PLXNB3: variants seen among roughly 807,000 people sequenced by gnomAD.
The protein encoded by PLXNB3 is plexin B3, also known as plexin-B3.
In PLXNB3, 80 loss-of-function variants were observed where a neutral mutation model predicts 125.7. That is an observed-to-expected ratio of 0.64 (90% CI 0.53 to 0.77). The LOEUF (loss-of-function observed/expected upper bound fraction) is 0.77. Ranked by LOEUF, PLXNB3 falls within the 30% of genes least tolerant of loss-of-function variation. PLXNB3 has a pLI of 0.00. For synonymous variants in PLXNB3, 954 were observed against 783.3 expected, an observed-to-expected ratio of 1.22 and a Z score of -3.64; for missense variants, 1,836 against 1,729.3, an observed-to-expected ratio of 1.06 and a Z score of -1.09.
chrX:153,764,870 T>C lies in PLXNB3; in HGVS notation c.-66+566T>C, dbSNP rs782527723. 8.0e-5 allele frequency among the ~76,000 whole-genome samples: 9 copies of C among 112,868 alleles called. No homozygotes were observed. The East Asian group carries it at 2.5e-3, about 32-fold the overall frequency. Reference sequence around the variant, plus strand: ...CCTGTGGACCCTCTGCCTCAGCCCATCTCAAGCAGCCTCCTCCCGTGGTCC... The same window carrying C: ...CCTGTGGACCCTCTGCCTCAGCCCACCTCAAGCAGCCTCCTCCCGTGGTCC... On this transcript the variant is annotated intron_variant, in intron 1 of 35. Coordinates refer to ENST00000361971, the MANE Select transcript of PLXNB3 (RefSeq NM_005393.3).
At position 153,768,388 on chromosome X, in the gene PLXNB3, T is replaced by C. The variant is rs1466003030; in HGVS notation, c.1226T>C (p.Met409Thr). ...GCAGCTCTCCAGGCAGATGGGCACA[T>C]GATAGCCTTCCTGGGGGACACCCAG... Reference protein sequence around the residue: ...AVAALQADGHMIAFLGDTQGQ... With the variant: ...AVAALQADGHTIAFLGDTQGQ... The change falls in exon 4 of 36, where the codon ATG (methionine) becomes ACG (threonine). Residue 409 changes from methionine (M) to threonine (T), a missense_variant. Coordinates refer to ENST00000361971, the MANE Select transcript of PLXNB3 (RefSeq NM_005393.3). The C allele has an allele frequency of 1.1e-5, 13 of 1,208,136 alleles. No individual in the cohort carries two copies. The highest frequency in any genetic ancestry group is 3.5e-5 in the South Asian group (2 of 56,845).
In PLXNB3 at chrX:153,773,199, G is replaced by C. The variant is rs12116130; in HGVS notation, c.2907-31G>C. The C allele has an allele frequency of 2.0e-4, 231 of 1,168,796 alleles. 2 individuals are homozygous for C. In the African/African-American group the frequency reaches 3.7e-3, roughly 19 times the overall value. On this transcript the variant is annotated intron_variant, in intron 17 of 35. Coordinates refer to ENST00000361971, the MANE Select transcript of PLXNB3 (RefSeq NM_005393.3). ...GCTGGGGTAGAGGGGTGGTAGAGCC[G>C]AGATGAGAGACCCCACTACCCATCC... is the stretch of plus-strand genomic sequence containing the variant.
chrX:153,777,565 C>T lies in PLXNB3; in HGVS notation c.5138C>T (p.Ala1713Val). 8.3e-7 allele frequency: 1 copy of T among 1,211,850 alleles called. No individual in the cohort carries two copies. Among genetic ancestry groups the T allele is most frequent in the Non-Finnish European group, 1.1e-6 (1 of 895,450 alleles). The change falls in exon 31 of 36, where the codon GCC becomes GTC. Residue 1713 changes from alanine to valine, a missense_variant. Transcript: ENST00000361971. ...LQKFVDDTFQ[A>V]ILSVNRPIPI... Reference sequence around the variant, plus strand: ...AAGTTTGTGGACGACACCTTCCAGGCCATTCTCAGCGTGAACCGGCCCATC... The same window carrying T: ...AAGTTTGTGGACGACACCTTCCAGGTCATTCTCAGCGTGAACCGGCCCATC...
chrX:153,773,187 G>A (rs782809343), intron 17 of PLXNB3, 43 bp from the exon 18 acceptor site: 22 of 1,154,072 alleles, frequency 1.9e-5, no homozygotes, highest in East Asian at 3.0e-5. Context: ...GGGGTAGAGG[G>A]GTGGTAGAGC....
Position 153,777,704 on chromosome X carries a change from C to T in PLXNB3, c.5261+16C>T. 1.7e-6 allele frequency: 2 copies of T among 1,205,402 alleles called. No individual in the cohort carries two copies. The highest frequency in any genetic ancestry group is 1.7e-5 in the African/African-American group (1 of 57,867). On this transcript the variant is annotated intron_variant, in intron 31 of 35. Transcript: ENST00000361971. Reference sequence around the variant, plus strand: ...AGACCAACAGGTGCCTTTCCTGCTGCCCCACCCCTGCTGTGCATATGGTCC... The same window carrying T: ...AGACCAACAGGTGCCTTTCCTGCTGTCCCACCCCTGCTGTGCATATGGTCC...
At chrX:153,777,432 C>G in intron 30 of PLXNB3, 52 bp downstream of exon 30, 1 of 1,177,575 alleles carries the variant, frequency 8.5e-7, no homozygotes, top group East Asian at 3.0e-5. Flanking sequence ...CCAGGGACCC[C>G]GACCGAGCCA....
rs1486141388 is a variant in PLXNB3, at chrX:153,767,102, T to C, written c.275T>C (p.Val92Ala). Residue 92 changes from valine (V) to alanine (A), a missense_variant, in exon 3 of 36, where the codon GTA becomes GCA. Physicochemically the swap from Val to Ala is moderately conservative, Grantham distance 64. Coordinates refer to ENST00000361971, the MANE Select transcript of PLXNB3 (RefSeq NM_005393.3). ...GAGGCCGTGGCTGTCACTGGCCCTG[T>C]AATCGACAGCCCTGACTGCGTGCCC... is the stretch of plus-strand genomic sequence containing the variant. ...QLEAVAVTGP[V>A]IDSPDCVPFR... 1.7e-6 allele frequency: 2 copies of C among 1,208,874 alleles called. No individual in the cohort carries two copies. The highest frequency in any genetic ancestry group is 2.2e-6 in the Non-Finnish European group (2 of 894,660).
At chrX:153,774,613 T>C in intron 22 of PLXNB3, 42 bp downstream of exon 22, 1 of 1,167,348 alleles carries the variant, frequency 8.6e-7, no homozygotes, top group Non-Finnish European at 1.1e-6. Context: ...TCCTCGCCAT[T>C]GGCAAGGGCG....
Position 153,767,094 on chromosome X carries a change from T to A in PLXNB3, c.267T>A (p.Thr89=). 1.7e-6 allele frequency: 2 copies of A among 1,210,298 alleles called. No homozygotes were observed. The highest frequency in any genetic ancestry group is 1.7e-5 in the African/African-American group (1 of 57,986). The change falls in exon 3 of 36, where the codon ACT becomes ACA. Residue 89 remains threonine (T), a synonymous_variant. Transcript: ENST00000361971. The part of the protein sequence containing the change: ...PELQLEAVAV[T]GPVIDSPDCV... Reference sequence around the variant, plus strand: ...TGCAGCTCGAGGCCGTGGCTGTCACTGGCCCTGTAATCGACAGCCCTGACT... The same window carrying A: ...TGCAGCTCGAGGCCGTGGCTGTCACAGGCCCTGTAATCGACAGCCCTGACT...
rs372981163 is a variant in PLXNB3, at chrX:153,769,946, C to T, written c.1629+7C>T. On this transcript the variant is annotated splice_region_variant and intron_variant, in intron 7 of 35. Coordinates refer to ENST00000361971, the MANE Select transcript of PLXNB3 (RefSeq NM_005393.3). Reference sequence around the variant, plus strand: ...CCGCCAGGAGCAGGGCCAGGTAAGCCGCCCACCACCACTGGGCCCTCTGGG... The same window carrying T: ...CCGCCAGGAGCAGGGCCAGGTAAGCTGCCCACCACCACTGGGCCCTCTGGG... 217 of 1,202,013 alleles carry T rather than the reference C, an allele frequency of 1.8e-4. No individual in the cohort carries two copies. The highest frequency in any genetic ancestry group is 4.2e-4 in the East Asian group (14 of 33,709).
chrX:153,767,308 G>A lies in PLXNB3; in HGVS notation c.481G>A (p.Gly161Arg), dbSNP rs1214922648. The change falls in exon 3 of 36, where the codon GGG becomes AGG. Residue 161 changes from glycine (G) to arginine (R), a missense_variant. Physicochemically the swap from Gly to Arg is moderately radical, Grantham distance 125 (BLOSUM62 -2). Transcript: ENST00000361971. ...VLYQAEDPGD[G>R]QFVAANTPGV... Reference sequence around the variant, plus strand: ...GTACCAGGCTGAGGACCCTGGTGACGGGCAGTTTGTGGCTGCCAATACCCC... The same window carrying A: ...GTACCAGGCTGAGGACCCTGGTGACAGGCAGTTTGTGGCTGCCAATACCCC... 4 of 1,204,754 alleles carry A rather than the reference G, an allele frequency of 3.3e-6. No individual in the cohort carries two copies. The highest frequency in any genetic ancestry group is 3.6e-5 in the South Asian group (2 of 55,995).
In PLXNB3 at chrX:153,777,246, TGCCTCTG is replaced by T; in HGVS notation, c.4969_4975del (p.Leu1657ThrfsTer3). On this transcript the variant is annotated frameshift_variant, in exon 30 of 36. Transcript: ENST00000361971. LOFTEE classifies it high-confidence loss of function. ...GGAGGATGGCGAGGAGGGGGGGGTG[TGCCTCTG>T]GCACCTGGTGAAAGCCACCGAGGAG... 8.5e-7 allele frequency: 1 copy of T among 1,179,491 alleles called. No homozygotes were observed. The highest frequency in any genetic ancestry group is 1.1e-6 in the Non-Finnish European group (1 of 878,104).
intron 2 of PLXNB3, chrX:153,765,890 G>T (rs918496205): frequency 1.3e-6 from 1 of 754,166 alleles, no homozygotes; most frequent in Non-Finnish European, 1.6e-6. Flanking sequence ...AGAAGGGGCT[G>T]CTCCCACCTC....
chrX:153,775,434 G>A, intron 25 of PLXNB3, 31 bp downstream of exon 25: 1 of 1,190,719 alleles, frequency 8.4e-7, no homozygotes, highest in Non-Finnish European at 1.1e-6. Flanking sequence ...GGTGGCGGGG[G>A]TGAGGGCTTG....
Position 153,777,977 on chromosome X carries a change from T to C in PLXNB3, c.5291T>C (p.Leu1764Ser). 8.3e-7 allele frequency: 1 copy of C among 1,210,969 alleles called. No individual in the cohort carries two copies. Among genetic ancestry groups the C allele is most frequent in the Non-Finnish European group, 1.1e-6 (1 of 894,976 alleles). Residue 1764 changes from leucine (L) to serine (S), a missense_variant, in exon 32 of 36, where the codon TTG becomes TCG. By Grantham distance (145) the Leu-to-Ser change is moderately radical. Coordinates refer to ENST00000361971, the MANE Select transcript of PLXNB3 (RefSeq NM_005393.3). The stretch of plus-strand genomic sequence containing the variant: ...CTGCTGCGGTTCTGGGTGAATGCCT[T>C]GAAGAACCCACAGCTCATCTTTGAT... ...SLLLRFWVNALKNPQLIFDVR... is the reference protein window; with the variant it reads ...SLLLRFWVNASKNPQLIFDVR...
chrX:153,773,271 G>A lies in PLXNB3; in HGVS notation c.2948G>A (p.Arg983Lys), dbSNP rs782329303. 5.6e-5 allele frequency: 68 copies of A among 1,209,160 alleles called. No homozygotes were observed. The highest frequency in any genetic ancestry group is 3.9e-4 in the Admixed American group (18 of 45,943). ...VCPEAIVCRT[R>K]PQAAPGEAAV... ...CCGGAGGCCATCGTGTGCCGTACCAGGCCCCAGGCTGCCCCAGGAGAAGCA... is the reference window on the plus strand; with the variant it reads ...CCGGAGGCCATCGTGTGCCGTACCAAGCCCCAGGCTGCCCCAGGAGAAGCA... Residue 983 changes from arginine (R) to lysine (K), a missense_variant, in exon 18 of 36, where the codon AGG becomes AAG. Arg to Lys is a conservative substitution (Grantham distance 26). Coordinates refer to ENST00000361971, the MANE Select transcript of PLXNB3 (RefSeq NM_005393.3).
In PLXNB3 at chrX:153,768,305, C is replaced by T. The variant is rs781855749; in HGVS notation, c.1143C>T (p.Gly381=). 1 of 1,206,823 alleles carries T rather than the reference C, an allele frequency of 8.3e-7. No homozygotes were observed. The highest frequency in any genetic ancestry group is 2.2e-5 in the Admixed American group (1 of 45,982). ...GDEHTPSPIA[G]RQPLEVQPLL... is the part of the protein sequence containing the mutation. ...AGCACACCCCCAGCCCCATTGCTGG[C>T]CGCCAGCCCCTGGAGGTCCAGCCTC... Residue 381 remains glycine (G), a synonymous_variant, in exon 4 of 36, where the codon GGC becomes GGT. Coordinates refer to ENST00000361971, the MANE Select transcript of PLXNB3 (RefSeq NM_005393.3).
intron 16 of PLXNB3, 77 bp from the exon 17 acceptor site, chrX:153,772,809 G>A (rs1312982636): frequency 2.9e-6 from 3 of 1,041,901 alleles, no homozygotes; most frequent in African/African-American, 1.9e-5. Context: ...CAGAACCGGA[G>A]GGCCTTGGGC....
chrX:153,768,559 C>A, intron 4 of PLXNB3, 131 bp downstream of exon 4: 1 of 598,884 alleles, frequency 1.7e-6, no homozygotes, highest in Non-Finnish European at 2.6e-6. Context: ...ACAGTGACTG[C>A]TGGCTGAGCA....
Sources: allele counts gnomAD v4.1 joint callset (sites outside exome capture counted in the v4.1 genomes callset), GRCh38; gene constraint gnomAD v4.1.1; transcripts MANE v1.5; gene names NCBI Gene and HGNC (gene_info 2026-07-23, HGNC 2026-07-21).